The following GDAP2 variants were observed in gnomAD, a reference collection of about 807,000 sequenced individuals.
GDAP2 encodes the protein ganglioside induced differentiation associated protein 2, also known as ganglioside-induced differentiation-associated protein 2.
In GDAP2, 51 loss-of-function variants were observed where a neutral mutation model predicts 67.0. That is an observed-to-expected ratio of 0.76 (90% confidence interval 0.61 to 0.96). GDAP2 has a LOEUF of 0.96. Among genes scored for constraint, GDAP2 ranks in the 40% least tolerant of loss-of-function variants. The pLI is 0.00. For missense variants in GDAP2, 547 were observed against 588.3 expected (o/e 0.93, Z 0.73); for synonymous variants, 203 against 207.3 (o/e 0.98, Z 0.18).
rs1302272056 is a variant in GDAP2, at chr1:117,868,908, C to T, written c.*1661G>A. ...ACAAAGAAAATGTGTTCAATACATGCAAAAGATAAGAACCTTTATCTAAAA... is the reference window on the plus strand; with the variant it reads ...ACAAAGAAAATGTGTTCAATACATGTAAAAGATAAGAACCTTTATCTAAAA... On this transcript the variant is annotated 3_prime_UTR_variant, in exon 14 of 14. Coordinates refer to ENST00000369443, the MANE Select transcript of GDAP2 (RefSeq NM_017686.4). 6.6e-6 allele frequency: 1 copy of T among 152,072 alleles called. No individual in the cohort carries two copies. Among genetic ancestry groups the T allele is most frequent in the African/African-American group, 2.4e-5 (1 of 41,416 alleles). The allele number at this position is 152,072 out of a possible 1,614,324, so 9.4% of individuals were successfully genotyped here.
Position 117,912,632 on chromosome 1 carries a change from C to G in GDAP2, c.368G>C (p.Arg123Pro). The G allele has an allele frequency of 6.2e-7, 1 of 1,613,466 alleles. No individual in the cohort carries two copies. Among genetic ancestry groups the G allele is most frequent in the Non-Finnish European group, 8.5e-7 (1 of 1,179,468 alleles). The change falls in exon 4 of 14, where the codon CGG becomes CCG. Residue 123 changes from arginine (R) to proline (P), a missense_variant. Transcript: ENST00000369443. ...AGGTCCCACTGTGTGAATGATGAAC[C>G]GGGCAGCTAGATTGAATCCTTTTGT... ...KLTKGFNLAA[R>P]FIIHTVGPKY...
Position 117,920,281 on chromosome 1 carries a change from T to C in GDAP2, c.77A>G (p.Glu26Gly). ...AGCTGTAGTATCAGAGGAATTTAATTCATCTTGGCATGAGTCACCCCAGCT... is the reference window on the plus strand; with the variant it reads ...AGCTGTAGTATCAGAGGAATTTAATCCATCTTGGCATGAGTCACCCCAGCT... ...LPSWGDSCQD[E>G]LNSSDTTAEI... The change falls in exon 2 of 14, where the codon GAA (glutamate) becomes GGA (glycine). Residue 26 changes from glutamate (E) to glycine (G), a missense_variant. By Grantham distance (98) the Glu-to-Gly change is moderately conservative (BLOSUM62 -2). Transcript: ENST00000369443. 6.2e-7 allele frequency: 1 copy of C among 1,609,336 alleles called. No homozygotes were observed. Among genetic ancestry groups the C allele is most frequent in the African/African-American group, 1.3e-5 (1 of 74,956 alleles).
chr1:117,882,442 A>G (rs1171125509), intron 11 of GDAP2, among the ~76,000 whole-genome samples: 1 of 152,176 alleles, frequency 6.6e-6, no homozygotes, highest in Non-Finnish European at 1.5e-5. Context: ...ATCAAGTGGC[A>G]GAGCCAGGAA....
rs1648001995 is a variant in GDAP2, at chr1:117,864,711, G to A, written c.*5858C>T. On this transcript the variant is annotated 3_prime_UTR_variant, in exon 14 of 14. Transcript: ENST00000369443. ...TAACATTATAATAAATATAAATTAAGCAAAAACTGAGGAGCTAAGAGATTT... is the reference window on the plus strand; with the variant it reads ...TAACATTATAATAAATATAAATTAAACAAAAACTGAGGAGCTAAGAGATTT... The A allele has an allele frequency of 6.6e-6, 1 of 151,956 alleles. No individual in the cohort carries two copies. Among genetic ancestry groups the A allele is most frequent in the Non-Finnish European group, 1.5e-5 (1 of 67,968 alleles). 9.4% of individuals were successfully genotyped at this position (151,956 alleles called of 1,614,324 possible).
intron 7 of GDAP2, 61 bp from the exon 8 acceptor site, chr1:117,897,050 T>C (rs1041862427): frequency 2.5e-6 from 3 of 1,206,582 alleles, no homozygotes; most frequent in Non-Finnish European, 3.5e-6. Flanking sequence ...GTAAACATTG[T>C]GAATGCTGCA....
At chr1:117,876,226 A>C (rs971241333) in intron 13 of GDAP2, among the ~76,000 whole-genome samples, 2 of 152,068 alleles carry the variant, frequency 1.3e-5, no homozygotes, top group African/African-American at 4.8e-5. Flanking sequence ...TCCTTGCTCT[A>C]TTAGTTCCTG....
intron 13 of GDAP2, among the ~76,000 whole-genome samples, chr1:117,874,271 C>T (rs898026170): frequency 4.6e-5 from 7 of 152,192 alleles, no homozygotes; most frequent in Non-Finnish European, 1.0e-4. Context: ...TGTCTTGGTG[C>T]TGTCCTTGTG....
chr1:117,924,091 G>A (rs1424933641), intron 1 of GDAP2, among the ~76,000 whole-genome samples: 1 of 152,188 alleles, frequency 6.6e-6, no homozygotes, highest in Non-Finnish European at 1.5e-5. Context: ...TCATCAGGAG[G>A]CACATAATTT....
intron 8 of GDAP2, among the ~76,000 whole-genome samples, chr1:117,893,378 G>A (rs1022138687): frequency 1.1e-4 from 16 of 152,108 alleles, no homozygotes; most frequent in African/African-American, 3.1e-4. Flanking sequence ...TAGAAAGCAC[G>A]TCTAATTTTT....
chr1:117,928,848 T>C (rs1049943466), intron 1 of GDAP2, among the ~76,000 whole-genome samples: 3 of 152,110 alleles, frequency 2.0e-5, no homozygotes, highest in African/African-American at 7.2e-5. Flanking sequence ...AGCTCAAGAA[T>C]AAAAGTAGCA....
chr1:117,865,730 C>T lies in GDAP2; in HGVS notation c.*4839G>A, dbSNP rs920323211. On this transcript the variant is annotated 3_prime_UTR_variant, in exon 14 of 14. Transcript: ENST00000369443. Reference sequence around the variant, plus strand: ...GAATACCTATGCTTTTCTTCCTGAACTCAGTGGTCCTATACATTTAAGGCA... The same window carrying T: ...GAATACCTATGCTTTTCTTCCTGAATTCAGTGGTCCTATACATTTAAGGCA... 1.3e-5 allele frequency: 2 copies of T among 152,190 alleles called. No individual in the cohort carries two copies. Among genetic ancestry groups the T allele is most frequent in the African/African-American group, 4.8e-5 (2 of 41,448 alleles). The allele number at this position is 152,190 out of a possible 1,614,324, so 9.4% of individuals were successfully genotyped here.
chr1:117,879,319 C>T (rs1648572075), intron 12 of GDAP2, among the ~76,000 whole-genome samples: 1 of 152,092 alleles, frequency 6.6e-6, no homozygotes, highest in African/African-American at 2.4e-5. Context: ...CATTTGCTAA[C>T]ACAGAAAACA....
chr1:117,900,753 G>T (rs1649425924), intron 6 of GDAP2, among the ~76,000 whole-genome samples: 1 of 146,102 alleles, frequency 6.8e-6, no homozygotes. Flanking sequence ...GACAGAGTGA[G>T]ACTCCATCTC....
At chr1:117,895,807 A>T (rs1442333860) in intron 8 of GDAP2, among the ~76,000 whole-genome samples, 2 of 152,220 alleles carry the variant, frequency 1.3e-5, no homozygotes, top group Non-Finnish European at 2.9e-5. Flanking sequence ...AAGTGACTGG[A>T]GAGTTCATGT....
chr1:117,871,903 C>A (rs553859843), intron 13 of GDAP2, among the ~76,000 whole-genome samples: 1 of 152,078 alleles, frequency 6.6e-6, no homozygotes, highest in African/African-American at 2.4e-5. Flanking sequence ...GTTGAACAGA[C>A]AACCTACAGA....
At chr1:117,872,583 T>C (rs984760978) in intron 13 of GDAP2, among the ~76,000 whole-genome samples, 3 of 150,256 alleles carry the variant, frequency 2.0e-5, no homozygotes, top group Non-Finnish European at 4.4e-5. Context: ...AGCAAACTAA[T>C]GCAGGAACAG....
chr1:117,908,797 C>T (rs1649747314), intron 5 of GDAP2, among the ~76,000 whole-genome samples: 1 of 151,786 alleles, frequency 6.6e-6, no homozygotes, highest in African/African-American at 2.4e-5. Flanking sequence ...TGCACTGCAG[C>T]CTGGGCGACA....
At chr1:117,912,403 T>G (rs1649887887) in intron 4 of GDAP2, 127 bp downstream of exon 4, 1 of 734,266 alleles carries the variant, frequency 1.4e-6, no homozygotes, top group Non-Finnish European at 2.2e-6. Flanking sequence ...CTAAATCACC[T>G]AAGTCCCTCA....
chr1:117,927,685 T>A (rs115342084), intron 1 of GDAP2, among the ~76,000 whole-genome samples: 3 of 152,192 alleles, frequency 2.0e-5, no homozygotes, highest in Non-Finnish European at 4.4e-5. Flanking sequence ...AAGACATTTT[T>A]TAAAAAAGAT....
Sources: gnomAD v4.1 joint callset for allele counts (sites outside exome capture counted in the v4.1 genomes callset) on GRCh38, gnomAD v4.1.1 for gene constraint, MANE v1.5 for transcripts, NCBI Gene and HGNC (gene_info 2026-07-23, HGNC 2026-07-21) for gene names.